The following BIRC6 variants were observed in gnomAD, a reference collection of about 807,000 sequenced individuals.
BIRC6 encodes dual E2 ubiquitin-conjugating enzyme/E3 ubiquitin-protein ligase BIRC6.
BIRC6 carries 98 observed loss-of-function variants against 503.3 expected under a neutral mutation model. The observed-to-expected ratio is 0.19, with a 90% CI of 0.17 to 0.23. BIRC6 has a LOEUF of 0.23. Among genes scored for constraint, BIRC6 ranks in the 10% least tolerant of loss-of-function variants. The pLI, the probability that BIRC6 is intolerant of heterozygous loss-of-function variation, is 1.00. For synonymous variants in BIRC6, 2,240 were observed against 2,078.7 expected (o/e 1.08, Z -2.11); for missense variants, 5,360 against 5,806.0 (o/e 0.92, Z 2.50).
intron 6 of BIRC6, among the ~76,000 whole-genome samples, chr2:32,397,604 G>GTGTGTGTGTA (rs1412130234): frequency 3.6e-5 from 4 of 111,976 alleles, no homozygotes; most frequent in South Asian, 3.0e-4. Flanking sequence ...GTGTGTGTGT[G>GTGTGTGTGTA]TATATATGTG....
chr2:32,440,751 T>TTTTTTTTTTATTATTATTATTATTATTA (rs773312894), intron 16 of BIRC6, among the ~76,000 whole-genome samples: 1 of 147,150 alleles, frequency 6.8e-6, no homozygotes, highest in Non-Finnish European at 1.5e-5. Flanking sequence ...TGTTTATTTA[T>TTTTTTTTTTATTATTATTATTATTATTA]TTATTATTAT....
In BIRC6 at chr2:32,477,370, C is replaced by T. The variant is rs1572499875; in HGVS notation, c.6855C>T (p.His2285=). ...QAKLKQATSK[H]FKDLIRLRRT... is the part of the protein sequence containing the mutation. ...ACACTATACATTTTTGTGTGCAGCACTTTAAGGATTTAATTCGTTTACGTC... is the reference window on the plus strand; with the variant it reads ...ACACTATACATTTTTGTGTGCAGCATTTTAAGGATTTAATTCGTTTACGTC... The change falls in exon 35 of 74, where the codon CAC becomes CAT. Residue 2285 remains histidine, a splice_region_variant and synonymous_variant. Coordinates refer to ENST00000421745, the MANE Select transcript of BIRC6 (RefSeq NM_016252.4). 6.2e-7 allele frequency: 1 copy of T among 1,613,546 alleles called. No individual in the cohort carries two copies.
intron 1 of BIRC6, among the ~76,000 whole-genome samples, chr2:32,359,304 G>A (rs1389052261): frequency 1.3e-5 from 2 of 152,112 alleles, no homozygotes; most frequent in Non-Finnish European, 2.9e-5. Flanking sequence ...ATAGAAAGAG[G>A]AATTTTATGG....
At chr2:32,443,652 A>C in intron 20 of BIRC6, 64 bp downstream of exon 20, 2 of 1,222,858 alleles carry the variant, frequency 1.6e-6, no homozygotes, top group Non-Finnish European at 1.1e-6. Context: ...ATGTATACTT[A>C]GGATTATTTC....
In BIRC6 at chr2:32,380,206, G is replaced by T; in HGVS notation, c.561G>T (p.Glu187Asp). Reference protein sequence around the residue: ...CLEKVDISSTEGYDLFITQLK... With the variant: ...CLEKVDISSTDGYDLFITQLK... ...AAAAGGTAGATATTTCTAGTACAGA[G>T]GGTTATGATTTGTTCATCACACAGC... Residue 187 changes from glutamate (E) to aspartate (D), a missense_variant, in exon 3 of 74, where the codon GAG becomes GAT. This residue lies in a region of BIRC6 where 134 missense variants were observed against 150.9 expected (regional missense o/e 0.89). Coordinates refer to ENST00000421745, the MANE Select transcript of BIRC6 (RefSeq NM_016252.4). 1.2e-6 allele frequency: 2 copies of T among 1,606,298 alleles called. No homozygotes were observed. The highest frequency in any genetic ancestry group is 1.7e-6 in the Non-Finnish European group (2 of 1,176,816).
In BIRC6 at chr2:32,597,977, T is replaced by A. The variant is rs2061782215; in HGVS notation, c.13830+9T>A. 1 of 1,599,084 alleles carries A rather than the reference T, an allele frequency of 6.3e-7. No individual in the cohort carries two copies. The highest frequency in any genetic ancestry group is 8.5e-7 in the Non-Finnish European group (1 of 1,173,170). On this transcript the variant is annotated intron_variant, in intron 69 of 73. Coordinates refer to ENST00000421745, the MANE Select transcript of BIRC6 (RefSeq NM_016252.4). ...GACTTGATATCATGAAGGTAAAAAA[T>A]AATGATAATAAAGCACTCTCCCTTA...
Position 32,404,075 on chromosome 2 carries a change from C to T in BIRC6, c.1419-2424C>T, listed in dbSNP as rs1251330994. Among the ~76,000 whole-genome samples the T allele has an allele frequency of 2.6e-5, 4 of 151,256 alleles. No homozygotes were observed. The East Asian group carries it at 5.8e-4, about 22-fold the overall frequency. ...CCTTGAGTAGCTGGGACTACAGGTG[C>T]CCACGACCCCTCCTGGCTAATTTTT... On this transcript the variant is annotated intron_variant, in intron 8 of 73. Transcript: ENST00000421745.
rs765131759 is a variant in BIRC6 at position 32,397,024 on chromosome 2, G to A, written c.1034+1431G>A. On this transcript the variant is annotated intron_variant, in intron 6 of 73. Transcript: ENST00000421745. Reference sequence around the variant, plus strand: ...ATTACAGGCGTGAGCCACTGCGCCCGGCCTAAAATTGAACAATTTTAACAA... The same window carrying A: ...ATTACAGGCGTGAGCCACTGCGCCCAGCCTAAAATTGAACAATTTTAACAA... Among the ~76,000 whole-genome samples, 10 of 151,980 alleles carry A rather than the reference G, an allele frequency of 6.6e-5. No homozygotes were observed. In the East Asian group the frequency reaches 1.4e-3, roughly 21 times the overall value.
At chr2:32,568,001 A>G (rs1304571690) in intron 65 of BIRC6, among the ~76,000 whole-genome samples, 1 of 152,094 alleles carries the variant, frequency 6.6e-6, no homozygotes, top group Non-Finnish European at 1.5e-5. Context: ...ACTCCCAGCT[A>G]CTTGGGAGGC....
chr2:32,439,342 C>T (rs901593112), intron 15 of BIRC6, among the ~76,000 whole-genome samples, 166 bp from the exon 16 acceptor site: 8 of 152,024 alleles, frequency 5.3e-5, no homozygotes, highest in African/African-American at 1.7e-4. Context: ...TTGCTGACAG[C>T]GTGTGAAGGT....
At position 32,611,435 on chromosome 2, in the gene BIRC6, A is replaced by G; in HGVS notation, c.14260-13A>G. 6.3e-7 allele frequency: 1 copy of G among 1,593,342 alleles called. No individual in the cohort carries two copies. The highest frequency in any genetic ancestry group is 8.6e-7 in the Non-Finnish European group (1 of 1,167,988). On this transcript the variant is annotated splice_polypyrimidine_tract_variant and intron_variant, in intron 72 of 73. Transcript: ENST00000421745. ...GTAAACACTGCTTGTTCTCCTGTTT[A>G]CTTTTTCTCAAGGTAATACACAAAC...
chr2:32,587,423 A>G (rs992295741), intron 66 of BIRC6, among the ~76,000 whole-genome samples: 1 of 152,190 alleles, frequency 6.6e-6, no homozygotes, highest in Non-Finnish European at 1.5e-5. Flanking sequence ...GCAATGAAGT[A>G]AAATATTTTT....
intron 26 of BIRC6, among the ~76,000 whole-genome samples, chr2:32,467,167 G>A (rs957559803): frequency 2.6e-5 from 4 of 151,784 alleles, no homozygotes; most frequent in Non-Finnish European, 4.4e-5. Context: ...CCAGTGTGGA[G>A]TATAGTGGCT....
Position 32,377,479 on chromosome 2 carries a change from A to G in BIRC6, c.326-109A>G, listed in dbSNP as rs1573766599. ...TCTTTAGAGAAGTTTTTTCCAGTTT[A>G]AGATCCAATTCAGGATAATATATTG... On this transcript the variant is annotated intron_variant, in intron 1 of 73. Coordinates refer to ENST00000421745, the MANE Select transcript of BIRC6 (RefSeq NM_016252.4). The G allele has an allele frequency of 1.4e-5, 12 of 847,284 alleles. No homozygotes were observed. The East Asian group carries it at 3.9e-4, about 28-fold the overall frequency. 52.5% of individuals were successfully genotyped at this position (847,284 alleles called of 1,614,324 possible).
intron 46 of BIRC6, 50 bp downstream of exon 46, chr2:32,500,159 G>T (rs75964743): frequency 0.012 from 16,566 of 1,428,446 alleles, 254 homozygotes; most frequent in African/African-American, 0.076. Context: ...ACTATAACTG[G>T]TTTTTTTTTA....
intron 55 of BIRC6, 34 bp downstream of exon 55, chr2:32,515,804 TTTA>T (rs2054968582): frequency 1.3e-6 from 2 of 1,541,876 alleles, no homozygotes; most frequent in Non-Finnish European, 1.7e-6. Flanking sequence ...TTTTAGTTGT[TTTA>T]TTACATAAGA....
intron 1 of BIRC6, among the ~76,000 whole-genome samples, chr2:32,361,752 A>G (rs1558520070): frequency 6.6e-6 from 1 of 151,744 alleles, no homozygotes; most frequent in East Asian, 1.9e-4. Flanking sequence ...CTGTCTTCAT[A>G]GTTTTGCCTT....
At chr2:32,533,421 G>T (rs2056941359) in intron 61 of BIRC6, among the ~76,000 whole-genome samples, 1 of 152,196 alleles carries the variant, frequency 6.6e-6, no homozygotes, top group Non-Finnish European at 1.5e-5. Flanking sequence ...TGCGAGGAAA[G>T]ATATAAATTG....
rs2045141823 is a variant in BIRC6 at position 32,439,360 on chromosome 2, CT to C, written c.3632-145del. 1.1e-5 allele frequency: 8 copies of C among 758,496 alleles called. No individual in the cohort carries two copies. In the South Asian group the frequency reaches 1.7e-4, roughly 16 times the overall value. 47.0% of individuals were successfully genotyped at this position (758,496 alleles called of 1,614,324 possible). A position where few individuals can be genotyped will look rare whatever the true frequency, so the allele number is the denominator to read the frequency against. ...CTGACAGCGTGTGAAGGTGGTTCAACTTTCTTCTGCTCAAACAGTATAATTT... is the reference window on the plus strand; with the variant it reads ...CTGACAGCGTGTGAAGGTGGTTCAACTTCTTCTGCTCAAACAGTATAATTT... On this transcript the variant is annotated intron_variant, in intron 15 of 73. Transcript: ENST00000421745.
Sources: allele counts gnomAD v4.1 joint callset (sites outside exome capture counted in the v4.1 genomes callset), GRCh38; gene constraint gnomAD v4.1.1; regional missense constraint gnomAD v4.1.1; transcripts MANE v1.5; gene names NCBI Gene and HGNC (gene_info 2026-07-23, HGNC 2026-07-21).